NPAS3: variants seen among roughly 807,000 people sequenced by gnomAD.
The protein encoded by NPAS3 is neuronal PAS domain protein 3.
A neutral mutation model predicts 73.1 loss-of-function variants in NPAS3; 14 were observed. The ratio of observed to expected loss-of-function variants is 0.19; its 90% CI spans 0.13 to 0.30. The LOEUF (loss-of-function observed/expected upper bound fraction) is 0.30, where lower values mean the gene tolerates loss of function less well. Among genes scored for constraint, NPAS3 ranks in the 10% least tolerant of loss-of-function variants. The pLI is 1.00. For synonymous variants in NPAS3, 620 were observed against 541.5 expected (o/e 1.14, Z -2.01); for missense variants, 1,096 against 1,250.0 (o/e 0.88, Z 1.86).
At chr14:33,417,969 C>T (rs1187201989) in intron 4 of NPAS3, among the ~76,000 whole-genome samples, 1 of 151,924 alleles carries the variant, frequency 6.6e-6, no homozygotes, top group Non-Finnish European at 1.5e-5. Flanking sequence ...TGGAATTGCA[C>T]ACACGCTCAT....
chr14:33,796,794 C>A (rs959968280), intron 10 of NPAS3, among the ~76,000 whole-genome samples: 2 of 152,194 alleles, frequency 1.3e-5, no homozygotes, highest in Non-Finnish European at 2.9e-5. Context: ...GAGGTTAGAT[C>A]CCTTCTGTTA....
intron 2 of NPAS3, among the ~76,000 whole-genome samples, chr14:33,159,185 T>G (rs545274289): frequency 6.6e-6 from 1 of 152,000 alleles, no homozygotes; most frequent in Non-Finnish European, 1.5e-5. Flanking sequence ...TAAATAAAAT[T>G]AAATTAAAAA....
intron 5 of NPAS3, among the ~76,000 whole-genome samples, chr14:33,586,574 T>C (rs2056869078): frequency 6.6e-6 from 1 of 152,210 alleles, no homozygotes; most frequent in Admixed American, 6.5e-5. Flanking sequence ...TTTAAATACA[T>C]TTGGAGATGT....
At position 33,246,839 on chromosome 14, in the gene NPAS3, C is replaced by CAAAAAAAAAAAAAAAAA. The variant is rs571439161; in HGVS notation, c.385+31425_385+31441dup. Among the ~76,000 whole-genome samples the CAAAAAAAAAAAAAAAAA allele has an allele frequency of 3.2e-5, 2 of 61,954 alleles. 1 individual carries two copies. The highest frequency in any genetic ancestry group is 1.6e-4 in the African/African-American group (2 of 12,822). 40.6% of individuals were successfully genotyped at this position (61,954 alleles called of 152,430 possible). On this transcript the variant is annotated intron_variant, in intron 3 of 11. Transcript: ENST00000356141. ...TGAAACCTCATCTCTATTAAAAATACAAAAAAAAAAAAAAAAAAAAAAAAA... is the reference window on the plus strand; with the variant it reads ...TGAAACCTCATCTCTATTAAAAATACAAAAAAAAAAAAAAAAAAAAAAAAAAAAAAAAAAAAAAAAAA...
Position 33,800,249 on chromosome 14 carries a change from A to T in NPAS3, c.1942A>T (p.Ile648Phe). The change falls in exon 12 of 12, where the codon ATC (isoleucine) becomes TTC (phenylalanine). Residue 648 changes from isoleucine to phenylalanine, a missense_variant. By Grantham distance (21) the Ile-to-Phe change is conservative (BLOSUM62 0). Transcript: ENST00000356141. The surrounding 1 kb of genome is among the most constrained non-coding windows in gnomAD (Gnocchi z 6.5). ...CCCCAACAGTGCCTCGGTGCTCAAG[A>T]TCAAGACGGAGATCTCAGAACCCAT... The T allele has an allele frequency of 6.2e-7, 1 of 1,613,232 alleles. No individual in the cohort carries two copies. Among genetic ancestry groups the T allele is most frequent in the Non-Finnish European group, 8.5e-7 (1 of 1,179,640 alleles).
At chr14:32,942,929 C>G (rs2036086028) in intron 1 of NPAS3, among the ~76,000 whole-genome samples, 1 of 152,178 alleles carries the variant, frequency 6.6e-6, no homozygotes. Context: ...TCAACAAGAA[C>G]TGTAATGCAT....
chr14:33,636,175 C>T (rs747996590), intron 5 of NPAS3, among the ~76,000 whole-genome samples: 3 of 152,244 alleles, frequency 2.0e-5, no homozygotes, highest in African/African-American at 4.8e-5. Flanking sequence ...CCGCCTCGGC[C>T]TCCCAAAGTG....
At chr14:33,087,211 T>C in intron 2 of NPAS3, among the ~76,000 whole-genome samples, 1 of 103,196 alleles carries the variant, frequency 9.7e-6, no homozygotes, top group East Asian at 2.0e-4. Context: ...AATATAGTAT[T>C]ATTATTATTG....
At chr14:33,481,870 C>T (rs985442081) in intron 4 of NPAS3, among the ~76,000 whole-genome samples, 1 of 151,858 alleles carries the variant, frequency 6.6e-6, no homozygotes, top group Non-Finnish European at 1.5e-5. Context: ...TCCCCATGGG[C>T]ATATTTTTAA....
chr14:33,736,669 C>A (rs2140657603), intron 7 of NPAS3, among the ~76,000 whole-genome samples: 1 of 152,234 alleles, frequency 6.6e-6, no homozygotes, highest in South Asian at 2.1e-4. Context: ...GCTAGAAAGA[C>A]ACATTCTTTG....
chr14:33,096,234 T>C (rs2042416086), intron 2 of NPAS3, among the ~76,000 whole-genome samples: 1 of 152,126 alleles, frequency 6.6e-6, no homozygotes, highest in Non-Finnish European at 1.5e-5. Flanking sequence ...CCAGTTCTTC[T>C]CTCAAAATCT....
intron 5 of NPAS3, among the ~76,000 whole-genome samples, chr14:33,609,329 G>A (rs904462895): frequency 2.0e-5 from 3 of 152,220 alleles, no homozygotes; most frequent in African/African-American, 4.8e-5. Context: ...TGTTGTTGGT[G>A]TTCTGAATTC....
intron 5 of NPAS3, among the ~76,000 whole-genome samples, chr14:33,615,123 G>A (rs2057872918): frequency 6.6e-6 from 1 of 152,118 alleles, no homozygotes; most frequent in Admixed American, 6.5e-5. Context: ...AGCACTTAGG[G>A]CAATAAGTAA....
intron 3 of NPAS3, among the ~76,000 whole-genome samples, chr14:33,342,667 TG>T (rs1257654301): frequency 6.6e-6 from 1 of 152,238 alleles, no homozygotes; most frequent in Non-Finnish European, 1.5e-5. Context: ...TAAATTGACC[TG>T]ACATTTCCAT....
At chr14:33,221,435 G>A (rs1277935782) in intron 3 of NPAS3, among the ~76,000 whole-genome samples, 1 of 152,150 alleles carries the variant, frequency 6.6e-6, no homozygotes, top group Admixed American at 6.5e-5. Flanking sequence ...TAGTACTTGT[G>A]TATTGTTTTT....
intron 6 of NPAS3, among the ~76,000 whole-genome samples, chr14:33,723,005 A>G (rs1008026732): frequency 2.0e-4 from 31 of 152,306 alleles, no homozygotes; most frequent in African/African-American, 6.5e-4. Context: ...AGACCTGCCA[A>G]CCTGAGACTC....
At chr14:33,560,048 A>C (rs1378741341) in intron 4 of NPAS3, 73 bp from the exon 5 acceptor site, 6 of 648,110 alleles carry the variant, frequency 9.3e-6, no homozygotes, top group Non-Finnish European at 1.6e-5. Context: ...GCTTTTTCTC[A>C]GTTGCCTTAC....
At chr14:33,497,643 A>G (rs990740404) in intron 4 of NPAS3, among the ~76,000 whole-genome samples, 1 of 152,202 alleles carries the variant, frequency 6.6e-6, no homozygotes, top group African/African-American at 2.4e-5. Context: ...CTGGCTAGCC[A>G]TATGCAGAAA....
chr14:32,981,868 C>G (rs2037912310), intron 1 of NPAS3, among the ~76,000 whole-genome samples: 1 of 152,184 alleles, frequency 6.6e-6, no homozygotes, highest in East Asian at 1.9e-4. Flanking sequence ...TCCCTTTAGG[C>G]TTCCTTGCTA....
Sources: allele counts gnomAD v4.1 joint callset (sites outside exome capture counted in the v4.1 genomes callset), GRCh38; gene constraint gnomAD v4.1.1; non-coding constraint Gnocchi (gnomAD v3.1); transcripts MANE v1.5; gene names NCBI Gene and HGNC (gene_info 2026-07-23, HGNC 2026-07-21).